PRMT9: variants seen among roughly 807,000 people sequenced by gnomAD.
The protein encoded by PRMT9 is protein arginine methyltransferase 9.
A neutral mutation model predicts 83.2 loss-of-function variants in PRMT9; 59 were observed. The observed-to-expected ratio is 0.71, with a 90% CI of 0.57 to 0.88. The LOEUF (loss-of-function observed/expected upper bound fraction) is 0.88, where lower values mean the gene tolerates loss of function less well. Among genes scored for constraint, PRMT9 ranks in the 40% least tolerant of loss-of-function variants. The pLI is 0.00. For synonymous variants in PRMT9, 333 were observed against 353.2 expected (o/e 0.94, Z 0.64); for missense variants, 947 against 1,021.9 (o/e 0.93, Z 1.00).
intron 5 of PRMT9, 106 bp downstream of exon 5, chr4:147,670,535 A>G: frequency 2.2e-6 from 2 of 891,654 alleles, no homozygotes; most frequent in Non-Finnish European, 3.7e-6. Flanking sequence ...CACCTTGGCA[A>G]TGGAAAATAT....
chr4:147,642,745 G>A (rs1352479538), intron 10 of PRMT9, 42 bp downstream of exon 10: 1 of 1,559,536 alleles, frequency 6.4e-7, no homozygotes. Flanking sequence ...ATGGTAGACT[G>A]TTCAACAGCA....
intron 6 of PRMT9, among the ~76,000 whole-genome samples, chr4:147,661,789 C>CAG (rs1734978715): frequency 1.7e-5 from 1 of 60,226 alleles, no homozygotes; most frequent in Non-Finnish European, 2.7e-5. Context: ...GACTCCATCT[C>CAG]AAAAAAAAAA....
At chr4:147,649,789 G>A (rs1471233644) in intron 9 of PRMT9, among the ~76,000 whole-genome samples, 1 of 152,160 alleles carries the variant, frequency 6.6e-6, no homozygotes, top group Admixed American at 6.5e-5. Flanking sequence ...ACAGGCATGA[G>A]CCACCGCATC....
At position 147,668,654 on chromosome 4, in the gene PRMT9, A is replaced by C; in HGVS notation, c.847-9T>G. 2 of 1,471,258 alleles carry C rather than the reference A, an allele frequency of 1.4e-6. No individual in the cohort carries two copies. Among genetic ancestry groups the C allele is most frequent in the Non-Finnish European group, 1.9e-6 (2 of 1,050,680 alleles). The allele number at this position is 1,471,258 out of a possible 1,614,324, so 91.1% of individuals were successfully genotyped here. Reference sequence around the variant, plus strand: ...GCACTTTCACCTTTGGTCTAAAAAAAATAACAATAAGAATTATGTTATCAC... The same window carrying C: ...GCACTTTCACCTTTGGTCTAAAAAACATAACAATAAGAATTATGTTATCAC... On this transcript the variant is annotated splice_polypyrimidine_tract_variant and intron_variant, in intron 5 of 11. Coordinates refer to ENST00000322396, the MANE Select transcript of PRMT9 (RefSeq NM_138364.4).
chr4:147,662,967 T>C (rs537782234), intron 6 of PRMT9, among the ~76,000 whole-genome samples: 1 of 152,208 alleles, frequency 6.6e-6, no homozygotes, highest in Non-Finnish European at 1.5e-5. Flanking sequence ...TTACAGATTA[T>C]TACACTCTCA....
At chr4:147,677,848 G>A (rs1342238553) in intron 2 of PRMT9, among the ~76,000 whole-genome samples, 2 of 152,098 alleles carry the variant, frequency 1.3e-5, no homozygotes, top group African/African-American at 4.8e-5. Flanking sequence ...ATCCAAAATT[G>A]TAATAAATAT....
At chr4:147,669,173 G>A (rs943674575) in intron 5 of PRMT9, among the ~76,000 whole-genome samples, 2 of 151,596 alleles carry the variant, frequency 1.3e-5, no homozygotes, top group African/African-American at 4.8e-5. Flanking sequence ...AGGACCACTT[G>A]AGGCCAGGAG....
At chr4:147,645,122 T>A (rs1029368223) in intron 9 of PRMT9, among the ~76,000 whole-genome samples, 1 of 152,196 alleles carries the variant, frequency 6.6e-6, no homozygotes, top group Non-Finnish European at 1.5e-5. Context: ...TAAAAAGTAA[T>A]TCATATACAT....
In PRMT9 at chr4:147,650,930, G is replaced by A. The variant is rs149586146; in HGVS notation, c.2045+2922C>T. Among the ~76,000 whole-genome samples the A allele has an allele frequency of 7.2e-5, 11 of 152,162 alleles. No individual in the cohort carries two copies. In the East Asian group the frequency reaches 7.7e-4, roughly 11 times the overall value. ...ATCCTGGCTAACACGGTGAAACCCCGTCTCTATTAAAAATACAAAAAATTA... is the reference window on the plus strand; with the variant it reads ...ATCCTGGCTAACACGGTGAAACCCCATCTCTATTAAAAATACAAAAAATTA... On this transcript the variant is annotated intron_variant, in intron 9 of 11. Coordinates refer to ENST00000322396, the MANE Select transcript of PRMT9 (RefSeq NM_138364.4).
intron 8 of PRMT9, among the ~76,000 whole-genome samples, chr4:147,656,300 C>CGT (rs374959657): frequency 1.7e-3 from 263 of 150,770 alleles, no homozygotes; most frequent in African/African-American, 5.8e-3. Flanking sequence ...TGTGTGTGTG[C>CGT]GTGTGTGTGT....
chr4:147,643,345 A>G (rs1240811245), intron 9 of PRMT9, among the ~76,000 whole-genome samples: 1 of 152,210 alleles, frequency 6.6e-6, no homozygotes, highest in Admixed American at 6.5e-5. Context: ...AAGAATCATG[A>G]TAAATTAGTA....
chr4:147,666,135 A>G (rs1735317680), intron 6 of PRMT9, among the ~76,000 whole-genome samples: 1 of 152,270 alleles, frequency 6.6e-6, no homozygotes, highest in Non-Finnish European at 1.5e-5. Context: ...AGAAATTGTT[A>G]TCCCATTGGT....
chr4:147,657,005 C>G (rs1436392523), intron 8 of PRMT9, among the ~76,000 whole-genome samples: 1 of 150,802 alleles, frequency 6.6e-6, no homozygotes, highest in Non-Finnish European at 1.5e-5. Context: ...AAAAAATTTC[C>G]ATACAAAAAA....
chr4:147,664,032 G>C (rs1465486390), intron 6 of PRMT9, among the ~76,000 whole-genome samples: 1 of 152,158 alleles, frequency 6.6e-6, no homozygotes, highest in Non-Finnish European at 1.5e-5. Flanking sequence ...CAATAATGCA[G>C]GCAGGGCACA....
intron 6 of PRMT9, 39 bp downstream of exon 6, chr4:147,668,500 G>C: frequency 8.5e-7 from 1 of 1,172,112 alleles, no homozygotes; most frequent in Non-Finnish European, 1.3e-6. Context: ...ATCTTGGGAG[G>C]TGCTTTATAG....
At chr4:147,641,103 TTAC>T (rs772682944) in intron 10 of PRMT9, among the ~76,000 whole-genome samples, 10 of 152,196 alleles carry the variant, frequency 6.6e-5, no homozygotes, top group Admixed American at 1.3e-4. Context: ...CTCACCTGGA[TTAC>T]TACAATAATT....
At position 147,659,709 on chromosome 4, in the gene PRMT9, C is replaced by T. The variant is rs142687730; in HGVS notation, c.1146+1137G>A. 3.7e-3 allele frequency among the ~76,000 whole-genome samples: 558 copies of T among 151,404 alleles called. 3 individuals carry two copies. The highest frequency in any genetic ancestry group is 0.013 in the African/African-American group (530 of 41,308). On this transcript the variant is annotated intron_variant, in intron 7 of 11. Coordinates refer to ENST00000322396, the MANE Select transcript of PRMT9 (RefSeq NM_138364.4). The stretch of plus-strand genomic sequence containing the variant: ...TCTCCTATCTCAGCCTCCCAAGTAG[C>T]TGGGATTAGAGGCACCCGCCACCAC...
intron 8 of PRMT9, among the ~76,000 whole-genome samples, chr4:147,655,323 CA>C (rs1297387502): frequency 6.6e-6 from 1 of 151,568 alleles, no homozygotes; most frequent in East Asian, 1.9e-4. Context: ...CCACCAGGCC[CA>C]GCTATTTTTT....
rs759836918 is a variant in PRMT9, at chr4:147,661,044, G to C, written c.954-6C>G. The C allele has an allele frequency of 6.3e-7, 1 of 1,598,208 alleles. No individual in the cohort carries two copies. Among genetic ancestry groups the C allele is most frequent in the Admixed American group, 1.7e-5 (1 of 60,002 alleles). ...CAATGTCCTTAATACCCACTCTGGA[G>C]AGAGAGAAAATAGGGGAGGGGTAGG... On this transcript the variant is annotated splice_region_variant and splice_polypyrimidine_tract_variant and intron_variant, in intron 6 of 11. Transcript: ENST00000322396.
Sources: allele counts gnomAD v4.1 joint callset (sites outside exome capture counted in the v4.1 genomes callset), GRCh38; gene constraint gnomAD v4.1.1; transcripts MANE v1.5; gene names NCBI Gene and HGNC (gene_info 2026-07-23, HGNC 2026-07-21).